ZBTB46: variants seen among roughly 807,000 people sequenced by gnomAD.
ZBTB46 encodes zinc finger and BTB domain containing 46.
In ZBTB46, 8 loss-of-function variants were observed where a neutral mutation model predicts 44.1. That is an observed-to-expected ratio of 0.18 (90% CI 0.11 to 0.33). The LOEUF (loss-of-function observed/expected upper bound fraction) is 0.33, where lower values mean the gene tolerates loss of function less well. ZBTB46 is among the 10% of genes least tolerant of loss of function. ZBTB46 has a pLI of 1.00. For missense variants in ZBTB46, 651 were observed against 847.7 expected (o/e 0.77, Z 2.88); for synonymous variants, 409 against 382.3 (o/e 1.07, Z -0.81).
At chr20:63,796,159 T>C (rs1425482134) in intron 1 of ZBTB46, among the ~76,000 whole-genome samples, 1 of 152,214 alleles carries the variant, frequency 6.6e-6, no homozygotes, top group Non-Finnish European at 1.5e-5. Flanking sequence ...TGGGGTTATT[T>C]TTCCCCGCGT....
At position 63,827,006 on chromosome 20, in the gene ZBTB46, G is replaced by A. The variant is rs946151271; in HGVS notation, c.-34+4091C>T. Among the ~76,000 whole-genome samples, 6 of 152,176 alleles carry A rather than the reference G, an allele frequency of 3.9e-5. No individual in the cohort carries two copies. In the East Asian group the frequency reaches 7.7e-4, roughly 20 times the overall value. On this transcript the variant is annotated intron_variant, in intron 1 of 4. Transcript: ENST00000245663. Reference sequence around the variant, plus strand: ...TCTGGAACCGTGCGGGTGGATCTCCGAGTGGACTCCCTTCCCTCGAGTCAC... The same window carrying A: ...TCTGGAACCGTGCGGGTGGATCTCCAAGTGGACTCCCTTCCCTCGAGTCAC...
At chr20:63,780,966 TAAAAA>T (rs59209531) in intron 2 of ZBTB46, among the ~76,000 whole-genome samples, 5 of 135,300 alleles carry the variant, frequency 3.7e-5, no homozygotes, top group Non-Finnish European at 6.3e-5. Context: ...CCATCTCTAC[TAAAAA>T]AAAAAAAAAA....
chr20:63,756,293 A>G (rs1478989608), intron 3 of ZBTB46, among the ~76,000 whole-genome samples: 2 of 152,252 alleles, frequency 1.3e-5, no homozygotes, highest in East Asian at 1.9e-4. Flanking sequence ...CCAGCCGTGA[A>G]GCAAATGGAC....
intron 1 of ZBTB46, among the ~76,000 whole-genome samples, chr20:63,813,131 A>G (rs1175470606): frequency 6.6e-6 from 1 of 152,010 alleles, no homozygotes; most frequent in Non-Finnish European, 1.5e-5. Flanking sequence ...GCATCAAAAT[A>G]TGAAACAACC....
At chr20:63,823,889 T>TGTGTGTGTGTGTGTGTGTGTG (rs1568910610) in intron 1 of ZBTB46, among the ~76,000 whole-genome samples, 8 of 150,644 alleles carry the variant, frequency 5.3e-5, no homozygotes, top group Non-Finnish European at 8.8e-5. Context: ...TGTGTGTGTG[T>TGTGTGTGTGTGTGTGTGTGTG]TCTTTGGGAC....
chr20:63,833,596 AG>A (rs2092861697), upstream of ZBTB46, among the ~76,000 whole-genome samples: 1 of 152,106 alleles, frequency 6.6e-6, no homozygotes, highest in Admixed American at 6.5e-5. Flanking sequence ...GTCTCAAAAA[AG>A]AAAAAAAAAG....
At chr20:63,782,931 G>A (rs769367588) in intron 2 of ZBTB46, among the ~76,000 whole-genome samples, 2 of 152,098 alleles carry the variant, frequency 1.3e-5, no homozygotes, top group Non-Finnish European at 2.9e-5. Flanking sequence ...GTGAGATCCC[G>A]TCTCCCGTCA....
chr20:63,754,488 G>A (rs2092201349), intron 3 of ZBTB46, among the ~76,000 whole-genome samples: 1 of 152,072 alleles, frequency 6.6e-6, no homozygotes, highest in African/African-American at 2.4e-5. Context: ...ACAAGATGAG[G>A]TCTCGCCATG....
intron 3 of ZBTB46, among the ~76,000 whole-genome samples, chr20:63,771,909 G>A (rs1228680255): frequency 2.0e-5 from 3 of 151,718 alleles, no homozygotes; most frequent in Non-Finnish European, 4.4e-5. Context: ...CACTCTGCTG[G>A]GCAGGCGTCT....
At chr20:63,798,305 G>A (rs2092618282) in intron 1 of ZBTB46, among the ~76,000 whole-genome samples, 1 of 152,130 alleles carries the variant, frequency 6.6e-6, no homozygotes, top group South Asian at 2.1e-4. Flanking sequence ...TCAGATGGTT[G>A]TAGATGTGTG....
intron 1 of ZBTB46, among the ~76,000 whole-genome samples, chr20:63,829,702 C>T (rs1015475919): frequency 6.6e-6 from 1 of 152,200 alleles, no homozygotes; most frequent in African/African-American, 2.4e-5. Context: ...TAAATACTGT[C>T]GCTTGCTTCA....
chr20:63,754,482 G>C (rs1427876843), intron 3 of ZBTB46, among the ~76,000 whole-genome samples: 6 of 152,014 alleles, frequency 3.9e-5, no homozygotes, highest in African/African-American at 1.5e-4. Flanking sequence ...TTTTAAACAA[G>C]ATGAGGTCTC....
intron 2 of ZBTB46, among the ~76,000 whole-genome samples, chr20:63,778,558 TG>T (rs2092443351): frequency 1.3e-5 from 2 of 152,084 alleles, no homozygotes; most frequent in South Asian, 4.1e-4. Flanking sequence ...AGCTGAGAGC[TG>T]GGTGTGGCAG....
Position 63,744,541 on chromosome 20 carries a change from TA to T in ZBTB46, c.*2388del. 6.6e-6 allele frequency: 1 copy of T among 152,180 alleles called. No homozygotes were observed. Among genetic ancestry groups the T allele is most frequent in the East Asian group, 1.9e-4 (1 of 5,298 alleles). The allele number at this position is 152,180 out of a possible 1,614,324, so 9.4% of individuals were successfully genotyped here. On this transcript the variant is annotated 3_prime_UTR_variant, in exon 5 of 5. Coordinates refer to ENST00000245663, the MANE Select transcript of ZBTB46 (RefSeq NM_001369741.1). ...CACATTTTTCCTCTTCATAAAAAAA[TA>T]TTTATTAGTTTGAACATCGATTTAA...
intron 1 of ZBTB46, among the ~76,000 whole-genome samples, chr20:63,820,632 A>C (rs1186244522): frequency 1.3e-5 from 2 of 149,812 alleles, no homozygotes; most frequent in African/African-American, 4.9e-5. Flanking sequence ...GGGTTTCTCC[A>C]TGTTGGTCAG....
chr20:63,786,632 T>C (rs901536297), intron 2 of ZBTB46, among the ~76,000 whole-genome samples: 3 of 151,978 alleles, frequency 2.0e-5, no homozygotes, highest in Non-Finnish European at 4.4e-5. Flanking sequence ...CTGCCTCAGC[T>C]TCCTGAGCAG....
chr20:63,826,174 A>G (rs1409992607), intron 1 of ZBTB46, among the ~76,000 whole-genome samples: 1 of 152,276 alleles, frequency 6.6e-6, no homozygotes, highest in Non-Finnish European at 1.5e-5. Flanking sequence ...GTTGGAAGAG[A>G]TGATGTGATG....
chr20:63,757,762 C>A (rs534938958), intron 3 of ZBTB46, among the ~76,000 whole-genome samples: 114 of 152,226 alleles, frequency 7.5e-4, no homozygotes, highest in African/African-American at 2.6e-3. Flanking sequence ...AGATAGCAGT[C>A]GGAATCACCT....
At chr20:63,805,825 G>A (rs960838721) in intron 1 of ZBTB46, among the ~76,000 whole-genome samples, 2 of 151,468 alleles carry the variant, frequency 1.3e-5, no homozygotes, top group Admixed American at 6.6e-5. Context: ...GCACGATCTC[G>A]GCTCACTGAA....
Sources: allele counts gnomAD v4.1 joint callset (sites outside exome capture counted in the v4.1 genomes callset), GRCh38; gene constraint gnomAD v4.1.1; transcripts MANE v1.5; gene names NCBI Gene and HGNC (gene_info 2026-07-23, HGNC 2026-07-21).